The following ERG variants were observed in gnomAD, a reference collection of about 807,000 sequenced individuals.
The protein encoded by ERG is ETS transcription factor ERG.
A neutral mutation model predicts 55.3 loss-of-function variants in ERG; 9 were observed. The observed-to-expected ratio is 0.16, with a 90% CI of 0.10 to 0.28. ERG has a LOEUF of 0.28. ERG is among the 10% of genes least tolerant of loss of function. The probability of loss-of-function intolerance (pLI) is 1.00; values close to 1 mark genes in which losing one functional copy is unlikely to be tolerated. For missense variants in ERG, 434 were observed against 631.6 expected (o/e 0.69, Z 3.35); for synonymous variants, 223 against 237.3 (o/e 0.94, Z 0.55).
chr21:38,505,679 T>C (rs551715533), intron 2 of ERG, among the ~76,000 whole-genome samples: 6 of 152,330 alleles, frequency 3.9e-5, no homozygotes, highest in African/African-American at 1.4e-4. Flanking sequence ...GTTTTCCCAC[T>C]GCGCGGTTGC....
chr21:38,491,818 G>A (rs1413752817), intron 1 of ERG, among the ~76,000 whole-genome samples: 1 of 152,146 alleles, frequency 6.6e-6, no homozygotes, highest in Non-Finnish European at 1.5e-5. Context: ...CAGCTGATCT[G>A]GAATCTGGAA....
At position 38,382,981 on chromosome 21, in the gene ERG, T is replaced by C. The variant is rs1987516914; in HGVS notation, c.*422A>G. 5.6e-6 allele frequency: 6 copies of C among 1,070,754 alleles called. No homozygotes were observed. The highest frequency in any genetic ancestry group is 5.7e-6 in the Non-Finnish European group (5 of 883,116). The allele number at this position is 1,070,754 out of a possible 1,614,324, so 66.3% of individuals were successfully genotyped here. ...ATTTTTAAATACAGGTAGTTTTCCT[T>C]AAAATGGCATTATAAACGGTATGTT... On this transcript the variant is annotated 3_prime_UTR_variant, in exon 10 of 10. Transcript: ENST00000288319.
At chr21:38,643,714 G>A (rs557349085) in intron 1 of ERG, among the ~76,000 whole-genome samples, 1 of 152,292 alleles carries the variant, frequency 6.6e-6, no homozygotes, top group Admixed American at 6.5e-5. Flanking sequence ...GCCATTTTCA[G>A]GGTTAGCAGG....
intron 1 of ERG, among the ~76,000 whole-genome samples, chr21:38,645,460 C>T (rs117823650): frequency 3.0e-3 from 460 of 152,274 alleles, no homozygotes; most frequent in Non-Finnish European, 4.7e-3. Context: ...TGAAACGAGT[C>T]ATATTTCAAA....
Position 38,592,685 on chromosome 21 carries a change from C to G in ERG, c.-149-7740G>C, listed in dbSNP as rs193045188. Reference sequence around the variant, plus strand: ...GTAAGGCAATCCTTAGACTCTTATACAATTCCCTAAAGGGTCCCCTTTTAC... The same window carrying G: ...GTAAGGCAATCCTTAGACTCTTATAGAATTCCCTAAAGGGTCCCCTTTTAC... On this transcript the variant is annotated intron_variant, in intron 1 of 10. Transcript: ENST00000398910. Among the ~76,000 whole-genome samples the G allele has an allele frequency of 2.0e-4, 31 of 151,966 alleles. 1 individual carries two copies. The highest frequency in any genetic ancestry group is 6.5e-4 in the African/African-American group (27 of 41,462).
intron 2 of ERG, among the ~76,000 whole-genome samples, chr21:38,441,057 T>C (rs2058836774): frequency 6.6e-6 from 1 of 152,188 alleles, no homozygotes; most frequent in Admixed American, 6.5e-5. Context: ...ACCTCTGACC[T>C]GACACGCCAC....
intron 2 of ERG, among the ~76,000 whole-genome samples, chr21:38,571,510 T>TA (rs568373878): frequency 3.3e-5 from 5 of 150,700 alleles, no homozygotes; most frequent in South Asian, 2.1e-4. Flanking sequence ...GACTATGTCT[T>TA]AAAAAAAATA....
intron 3 of ERG, among the ~76,000 whole-genome samples, chr21:38,420,852 A>G (rs1023553572): frequency 1.3e-5 from 2 of 152,366 alleles, no homozygotes; most frequent in Non-Finnish European, 2.9e-5. Flanking sequence ...TCTTCAGTGC[A>G]GGCCCCCTCA....
intron 2 of ERG, among the ~76,000 whole-genome samples, chr21:38,558,216 C>T (rs1234635201): frequency 2.0e-5 from 3 of 152,178 alleles, no homozygotes; most frequent in South Asian, 2.1e-4. Context: ...AAGGAGATGA[C>T]AGCAGGAGAA....
intron 1 of ERG, among the ~76,000 whole-genome samples, chr21:38,452,150 T>C (rs1243571411): frequency 1.3e-5 from 2 of 152,206 alleles, no homozygotes; most frequent in Admixed American, 6.5e-5. Flanking sequence ...TTCTCCAATA[T>C]GGTATCACTT....
At chr21:38,401,742 G>A (rs1988505689) in intron 5 of ERG, among the ~76,000 whole-genome samples, 1 of 152,090 alleles carries the variant, frequency 6.6e-6, no homozygotes, top group African/African-American at 2.4e-5. Flanking sequence ...CGGTGGCCAT[G>A]CTTCCGGAAC....
chr21:38,415,660 T>C (rs62217904), intron 3 of ERG, among the ~76,000 whole-genome samples: 1 of 152,220 alleles, frequency 6.6e-6, no homozygotes, highest in South Asian at 2.1e-4. Flanking sequence ...GTTCTGGGCC[T>C]GAGAATAGGC....
chr21:38,446,915 C>T (rs11701207), intron 1 of ERG, among the ~76,000 whole-genome samples: 1 of 151,988 alleles, frequency 6.6e-6, no homozygotes, highest in Non-Finnish European at 1.5e-5. Context: ...CCCTATGATG[C>T]CCTTTGTGAC....
chr21:38,386,313 A>T (rs1987689169), intron 9 of ERG, among the ~76,000 whole-genome samples: 1 of 152,268 alleles, frequency 6.6e-6, no homozygotes, highest in African/African-American at 2.4e-5. Flanking sequence ...AAACCTTGAA[A>T]GAAACCTGGA....
intron 2 of ERG, among the ~76,000 whole-genome samples, chr21:38,548,892 C>T (rs1387409567): frequency 6.6e-6 from 1 of 150,754 alleles, no homozygotes; most frequent in Non-Finnish European, 1.5e-5. Context: ...GGGCAGATCA[C>T]GAGGTCGGGA....
chr21:38,373,544 T>C, the ERG span, among the ~76,000 whole-genome samples: 5 of 152,202 alleles, frequency 3.3e-5, no homozygotes, highest in African/African-American at 1.2e-4. Context: ...ATTGAGAAAG[T>C]AGCACTGGGA....
At chr21:38,498,478 G>A, upstream of ERG, 1 of 1,533,842 alleles carries the variant, frequency 6.5e-7, no homozygotes. The surrounding 1 kb of genome is among the most constrained non-coding windows in gnomAD (Gnocchi z 4.6). Context: ...TAGAGCGGAT[G>A]AGATTGTGCT....
At chr21:38,428,123 G>A (rs1327756540) in intron 2 of ERG, among the ~76,000 whole-genome samples, 2 of 151,548 alleles carry the variant, frequency 1.3e-5, no homozygotes, top group Non-Finnish European at 2.9e-5. Flanking sequence ...TGAGACTGCA[G>A]TGAGCTGAGA....
intron 2 of ERG, among the ~76,000 whole-genome samples, chr21:38,555,124 T>C (rs8130830): frequency 0.48 from 73,214 of 151,916 alleles, 19,647 homozygotes; most frequent in Non-Finnish European, 0.62. Flanking sequence ...GTCAGGAGTT[T>C]GAGACCAGCC....
Sources: gnomAD v4.1 joint callset for allele counts (sites outside exome capture counted in the v4.1 genomes callset) on GRCh38, gnomAD v4.1.1 for gene constraint, Gnocchi (gnomAD v3.1) non-coding constraint, MANE v1.5 for transcripts, NCBI Gene and HGNC (gene_info 2026-07-23, HGNC 2026-07-21) for gene names.